The following FBXO4 variants were observed in gnomAD, a reference collection of about 807,000 sequenced individuals.
FBXO4 encodes F-box protein 4, also known as F-box only protein 4.
Under a neutral mutation model 43.7 loss-of-function variants are expected in FBXO4, and 36 were observed. That is an observed-to-expected ratio of 0.82 (90% CI 0.63 to 1.09). The LOEUF (loss-of-function observed/expected upper bound fraction) is 1.09. Ranked by LOEUF, FBXO4 falls within the 50% of genes least tolerant of loss-of-function variation. The pLI is 0.00. For synonymous variants in FBXO4, 180 were observed against 165.6 expected (o/e 1.09, Z -0.67); for missense variants, 435 against 474.1 (o/e 0.92, Z 0.77).
the FBXO4 span, among the ~76,000 whole-genome samples, chr5:42,004,683 G>C: frequency 1.3e-5 from 2 of 152,100 alleles, no homozygotes; most frequent in South Asian, 4.1e-4. Flanking sequence ...AATTGAGTAG[G>C]AATAACCATA....
the FBXO4 span, among the ~76,000 whole-genome samples, chr5:41,948,234 C>T: frequency 8.5e-4 from 128 of 150,718 alleles, no homozygotes; most frequent in African/African-American, 2.9e-3. Context: ...CTCCCAGGTT[C>T]ACACCATTCT....
the FBXO4 span, among the ~76,000 whole-genome samples, chr5:41,996,096 TG>T: frequency 6.6e-6 from 1 of 152,108 alleles, no homozygotes; most frequent in Non-Finnish European, 1.5e-5. Flanking sequence ...CAGTGCAGGC[TG>T]GGGGAGAGAA....
chr5:42,032,187 C>T, the FBXO4 span, among the ~76,000 whole-genome samples: 1 of 151,756 alleles, frequency 6.6e-6, no homozygotes, highest in Non-Finnish European at 1.5e-5. Context: ...GACCTGAAGC[C>T]AGCACAGCAC....
the FBXO4 span, among the ~76,000 whole-genome samples, chr5:41,965,776 A>G: frequency 3.3e-5 from 5 of 152,226 alleles, no homozygotes; most frequent in Admixed American, 6.5e-5. Context: ...TCAGGGATCT[A>G]GAATTAGAAA....
At chr5:42,025,874 T>C in the FBXO4 span, among the ~76,000 whole-genome samples, 3 of 151,910 alleles carry the variant, frequency 2.0e-5, no homozygotes, top group African/African-American at 7.2e-5. Context: ...TATTTCTGGC[T>C]TCTCTTTTCT....
chr5:41,929,959 G>A, intron 3 of FBXO4, 42 bp downstream of exon 3: 1 of 1,380,164 alleles, frequency 7.2e-7, no homozygotes, highest in Non-Finnish European at 1.0e-6. Context: ...AACACTTTGA[G>A]CTTGACATTC....
chr5:41,970,292 G>A, the FBXO4 span, among the ~76,000 whole-genome samples: 1 of 151,934 alleles, frequency 6.6e-6, no homozygotes, highest in African/African-American at 2.4e-5. Context: ...TCTTTACCTT[G>A]GCTAGATAAT....
chr5:41,934,605 A>G (rs999141437), intron 5 of FBXO4: 19 of 1,293,114 alleles, frequency 1.5e-5, no homozygotes, highest in Non-Finnish European at 1.9e-5. Context: ...GGGAATTCTG[A>G]TGCATTCCAA....
chr5:41,958,131 A>ATTTT, the FBXO4 span, among the ~76,000 whole-genome samples: 4 of 128,826 alleles, frequency 3.1e-5, no homozygotes, highest in Non-Finnish European at 4.8e-5. Context: ...CTGTTAACAA[A>ATTTT]TTTTTTTTTT....
chr5:41,969,129 G>A, the FBXO4 span, among the ~76,000 whole-genome samples: 12 of 152,128 alleles, frequency 7.9e-5, no homozygotes, highest in South Asian at 2.5e-3. Flanking sequence ...GTTGACATAC[G>A]GTCAGATAGA....
the FBXO4 span, among the ~76,000 whole-genome samples, chr5:41,986,953 G>GT: frequency 6.4e-4 from 97 of 152,220 alleles, no homozygotes; most frequent in Non-Finnish European, 1.0e-3. Flanking sequence ...TCATCCTGCT[G>GT]TTTATAGAGA....
intron 3 of FBXO4, among the ~76,000 whole-genome samples, chr5:41,932,078 G>A (rs559627004): frequency 2.0e-5 from 3 of 152,302 alleles, no homozygotes; most frequent in Non-Finnish European, 4.4e-5. Flanking sequence ...TTAGGTCAAA[G>A]GAACACCTCA....
the FBXO4 span, among the ~76,000 whole-genome samples, chr5:42,001,929 T>C: frequency 6.6e-6 from 1 of 152,190 alleles, no homozygotes; most frequent in African/African-American, 2.4e-5. Flanking sequence ...CCTCCTGACC[T>C]TGGGCGATCT....
chr5:41,950,366 G>A, the FBXO4 span, among the ~76,000 whole-genome samples: 9 of 151,902 alleles, frequency 5.9e-5, 2 homozygotes, highest in South Asian at 1.9e-3. Context: ...ACAAATTTAT[G>A]AGAAAAAAAC....
At chr5:41,958,871 A>G in the FBXO4 span, among the ~76,000 whole-genome samples, 43 of 152,324 alleles carry the variant, frequency 2.8e-4, no homozygotes, top group African/African-American at 1.0e-3. Context: ...GAGTGCAAAT[A>G]TCTCTTTGAC....
chr5:41,955,190 A>G, the FBXO4 span, among the ~76,000 whole-genome samples: 2 of 152,208 alleles, frequency 1.3e-5, no homozygotes, highest in African/African-American at 2.4e-5. Context: ...GCCTATTCAC[A>G]AAATTCGTAC....
chr5:42,023,875 C>T, the FBXO4 span, among the ~76,000 whole-genome samples: 3 of 151,850 alleles, frequency 2.0e-5, no homozygotes, highest in Admixed American at 6.6e-5. Context: ...CCATTTGAGC[C>T]GACTATCTGC....
the FBXO4 span, among the ~76,000 whole-genome samples, chr5:42,017,430 C>CTT: frequency 9.3e-5 from 14 of 150,834 alleles, no homozygotes; most frequent in African/African-American, 3.4e-4. Context: ...CAAAAAATTT[C>CTT]TTTTTTTTTC....
At chr5:42,018,104 C>G in the FBXO4 span, among the ~76,000 whole-genome samples, 1 of 149,960 alleles carries the variant, frequency 6.7e-6, no homozygotes, top group Admixed American at 6.7e-5. Flanking sequence ...TAAAAAGGAA[C>G]ATAATGAATA....
Sources: gnomAD v4.1 joint callset for allele counts (sites outside exome capture counted in the v4.1 genomes callset) on GRCh38, gnomAD v4.1.1 for gene constraint, MANE v1.5 for transcripts, NCBI Gene and HGNC (gene_info 2026-07-23, HGNC 2026-07-21) for gene names.